The following ERBB4 variants were observed in gnomAD, a reference collection of about 807,000 sequenced individuals.
ERBB4 encodes erb-b2 receptor tyrosine kinase 4.
In ERBB4, 42 loss-of-function variants were observed where a neutral mutation model predicts 158.0. The observed-to-expected ratio is 0.27, with a 90% CI of 0.21 to 0.34. The LOEUF (loss-of-function observed/expected upper bound fraction) is 0.34. Among genes scored for constraint, ERBB4 ranks in the 10% least tolerant of loss-of-function variants. The probability of loss-of-function intolerance (pLI) is 1.00; values close to 1 mark genes in which losing one functional copy is unlikely to be tolerated. For missense variants in ERBB4, 1,333 were observed against 1,624.1 expected (o/e 0.82, Z 3.08); for synonymous variants, 583 against 558.7 (o/e 1.04, Z -0.61).
intron 3 of ERBB4, among the ~76,000 whole-genome samples, chr2:211,865,396 G>A (rs558508695): frequency 6.6e-6 from 1 of 152,156 alleles, no homozygotes; most frequent in African/African-American, 2.4e-5. Context: ...GGAGCAGCTA[G>A]GCCTAAATGG....
At chr2:212,266,854 T>G (rs1574556252) in intron 1 of ERBB4, among the ~76,000 whole-genome samples, 1 of 152,002 alleles carries the variant, frequency 6.6e-6, no homozygotes, top group East Asian at 1.9e-4. Context: ...ACAAATTAAA[T>G]GAGAAGTTCT....
intron 12 of ERBB4, among the ~76,000 whole-genome samples, chr2:211,692,162 C>G (rs551376213): frequency 6.6e-6 from 1 of 152,260 alleles, no homozygotes; most frequent in African/African-American, 2.4e-5. Flanking sequence ...TGTGAATGCT[C>G]TTAGCATATG....
intron 1 of ERBB4, among the ~76,000 whole-genome samples, chr2:212,226,944 T>C (rs1416406111): frequency 6.6e-6 from 1 of 152,046 alleles, no homozygotes. Context: ...GGAGATAGAT[T>C]CTAAGAAATA....
chr2:211,833,770 C>T (rs1195079600), intron 3 of ERBB4, among the ~76,000 whole-genome samples: 2 of 151,904 alleles, frequency 1.3e-5, no homozygotes, highest in Non-Finnish European at 2.9e-5. Context: ...TCCACTGAGT[C>T]ATTCTAATAT....
chr2:212,512,203 T>C (rs1049056581), intron 1 of ERBB4, among the ~76,000 whole-genome samples: 2 of 152,138 alleles, frequency 1.3e-5, no homozygotes. Context: ...CCTCTAATAG[T>C]TTCTACACTA....
At chr2:212,281,171 T>C (rs1559915957) in intron 1 of ERBB4, among the ~76,000 whole-genome samples, 1 of 151,736 alleles carries the variant, frequency 6.6e-6, no homozygotes, top group African/African-American at 2.4e-5. Context: ...CTCAATTTGC[T>C]CTTCTATTAT....
At chr2:212,192,466 T>C (rs1014318215) in intron 1 of ERBB4, among the ~76,000 whole-genome samples, 2 of 152,034 alleles carry the variant, frequency 1.3e-5, no homozygotes, top group Non-Finnish European at 2.9e-5. Context: ...AGTCTATATT[T>C]ATGTTATGTG....
At chr2:211,806,305 G>A (rs1056261279) in intron 3 of ERBB4, among the ~76,000 whole-genome samples, 3 of 152,134 alleles carry the variant, frequency 2.0e-5, no homozygotes, top group Non-Finnish European at 2.9e-5. Flanking sequence ...CTTCTCAACA[G>A]GGACACCGTG....
chr2:211,938,650 T>C (rs190705397), intron 3 of ERBB4, among the ~76,000 whole-genome samples: 9 of 152,230 alleles, frequency 5.9e-5, no homozygotes, highest in African/African-American at 2.2e-4. Flanking sequence ...AGTGCAGCTT[T>C]TGAGAAGAAT....
chr2:212,349,700 C>T (rs182681372), intron 1 of ERBB4, among the ~76,000 whole-genome samples: 1 of 152,078 alleles, frequency 6.6e-6, no homozygotes, highest in Admixed American at 6.6e-5. Flanking sequence ...CATTCAAAAC[C>T]AGAGGAAAAG....
chr2:211,530,349 C>G (rs531892694), intron 20 of ERBB4, among the ~76,000 whole-genome samples: 1 of 152,170 alleles, frequency 6.6e-6, no homozygotes, highest in Non-Finnish European at 1.5e-5. Context: ...TTGAAGAGGA[C>G]ACCAAAATTG....
chr2:212,219,805 G>A (rs931633065), intron 1 of ERBB4, among the ~76,000 whole-genome samples: 1 of 151,186 alleles, frequency 6.6e-6, no homozygotes, highest in African/African-American at 2.4e-5. Context: ...AACACTCTTA[G>A]GAGCAAAATA....
intron 3 of ERBB4, among the ~76,000 whole-genome samples, chr2:211,866,021 G>A (rs1439647689): frequency 6.6e-6 from 1 of 152,120 alleles, no homozygotes; most frequent in East Asian, 1.9e-4. Flanking sequence ...CACTTATACT[G>A]TGACCTATAA....
At chr2:211,387,821 C>T in intron 26 of ERBB4, 124 bp downstream of exon 26, 2 of 789,208 alleles carry the variant, frequency 2.5e-6, no homozygotes, top group East Asian at 2.5e-5. Context: ...ACACGATGTA[C>T]ACCAAATTCT....
intron 2 of ERBB4, among the ~76,000 whole-genome samples, chr2:212,021,557 A>T (rs1156310234): frequency 2.6e-5 from 4 of 152,142 alleles, no homozygotes; most frequent in Non-Finnish European, 5.9e-5. Context: ...CTCACCACTT[A>T]TACAAAAATT....
chr2:211,722,083 G>A (rs1383753781), intron 7 of ERBB4, among the ~76,000 whole-genome samples: 4 of 152,164 alleles, frequency 2.6e-5, no homozygotes, highest in African/African-American at 9.6e-5. Flanking sequence ...GGCTGGTCTC[G>A]AACTCCTGAC....
intron 23 of ERBB4, among the ~76,000 whole-genome samples, chr2:211,422,459 C>T (rs1015958509): frequency 2.2e-5 from 3 of 134,288 alleles, no homozygotes; most frequent in Non-Finnish European, 3.1e-5. Flanking sequence ...TTAAAAGCAA[C>T]TTTCTTGTGC....
chr2:211,630,348 T>G, intron 17 of ERBB4, 114 bp downstream of exon 17: 1 of 1,237,976 alleles, frequency 8.1e-7, no homozygotes, highest in Non-Finnish European at 1.2e-6. Context: ...AATAAAAAAC[T>G]TAATTAGGAC....
intron 19 of ERBB4, among the ~76,000 whole-genome samples, chr2:211,574,110 G>C (rs554984410): frequency 6.6e-6 from 1 of 152,282 alleles, no homozygotes; most frequent in South Asian, 2.1e-4. Context: ...GAATAAAATC[G>C]TTAAGCAATA....
Sources: gnomAD v4.1 joint callset for allele counts (sites outside exome capture counted in the v4.1 genomes callset) on GRCh38, gnomAD v4.1.1 for gene constraint, MANE v1.5 for transcripts, NCBI Gene and HGNC (gene_info 2026-07-23, HGNC 2026-07-21) for gene names.